Variants in STAG1 observed in about 807,000 individuals in gnomAD.
The protein encoded by STAG1 is STAG1 cohesin complex component.
Under a neutral mutation model 170.9 loss-of-function variants are expected in STAG1, and 26 were observed. The observed-to-expected ratio is 0.15, with a 90% CI of 0.11 to 0.21. The LOEUF is 0.21. Among genes scored for constraint, STAG1 ranks in the 10% least tolerant of loss-of-function variants. The pLI is 1.00. For missense variants in STAG1, 964 were observed against 1,509.5 expected (o/e 0.64, Z 5.99); for synonymous variants, 514 against 497.7 (o/e 1.03, Z -0.44).
chr3:136,430,890 T>C (rs2088283547), intron 16 of STAG1, among the ~76,000 whole-genome samples: 1 of 149,930 alleles, frequency 6.7e-6, no homozygotes, highest in Non-Finnish European at 1.5e-5. Flanking sequence ...ATACTTACCA[T>C]TTCAGATTTA....
At chr3:136,711,782 A>C (rs1943388623) in intron 1 of STAG1, among the ~76,000 whole-genome samples, 1 of 152,146 alleles carries the variant, frequency 6.6e-6, no homozygotes. Context: ...TGGTGCTGGA[A>C]CAACTGGATA....
At chr3:136,462,535 A>AATTT (rs1383276750) in intron 13 of STAG1, among the ~76,000 whole-genome samples, 6 of 152,154 alleles carry the variant, frequency 3.9e-5, no homozygotes, top group Non-Finnish European at 4.4e-5. Context: ...CAGAGGGTGG[A>AATTT]ATAAAGAGAG....
At chr3:136,596,719 C>T (rs1407043544) in intron 4 of STAG1, among the ~76,000 whole-genome samples, 1 of 152,104 alleles carries the variant, frequency 6.6e-6, no homozygotes, top group East Asian at 1.9e-4. Context: ...CTTTAAAATC[C>T]ATTTTTAAAA....
At chr3:136,352,553 G>C (rs990361406) in intron 28 of STAG1, among the ~76,000 whole-genome samples, 4 of 152,048 alleles carry the variant, frequency 2.6e-5, no homozygotes, top group Non-Finnish European at 5.9e-5. Context: ...ACAGCACCTT[G>C]GCCCACAAAG....
intron 5 of STAG1, among the ~76,000 whole-genome samples, chr3:136,565,755 T>C (rs367650321): frequency 1.3e-5 from 2 of 152,204 alleles, no homozygotes; most frequent in Non-Finnish European, 2.9e-5. Context: ...ATATTCACAA[T>C]AGTCAAAAGG....
At chr3:136,472,983 A>G (rs1048011027) in intron 11 of STAG1, among the ~76,000 whole-genome samples, 1 of 152,182 alleles carries the variant, frequency 6.6e-6, no homozygotes, top group African/African-American at 2.4e-5. Context: ...GAGCCAGTGA[A>G]GTTTCATCTG....
intron 23 of STAG1, among the ~76,000 whole-genome samples, chr3:136,374,195 T>C (rs1006564714): frequency 2.6e-5 from 4 of 152,178 alleles, no homozygotes; most frequent in Non-Finnish European, 4.4e-5. Context: ...ATTTGCTTGG[T>C]AGATCTTCCT....
At chr3:136,448,034 T>C (rs112885368) in intron 14 of STAG1, among the ~76,000 whole-genome samples, 4 of 152,150 alleles carry the variant, frequency 2.6e-5, no homozygotes, top group Admixed American at 2.0e-4. Flanking sequence ...ACAAGGTATT[T>C]TGTCACCTGA....
intron 3 of STAG1, among the ~76,000 whole-genome samples, chr3:136,610,239 A>G (rs1426293328): frequency 6.6e-6 from 1 of 152,010 alleles, no homozygotes; most frequent in Non-Finnish European, 1.5e-5. Flanking sequence ...ATTTCACCAT[A>G]TTGGCCAGGC....
Position 136,417,887 on chromosome 3 carries a change from G to T in STAG1, c.2194C>A (p.Gln732Lys). ...TGIEHGAMPE[Q>K]IVVQALQCSH... ...AAGGAATACCAATAAACTCCTACCT[G>T]TTCTGGCATGGCTCCATGTTCAATT... The change falls in exon 21 of 34, where the codon CAG (glutamine) becomes AAG (lysine). Residue 732 changes from glutamine to lysine, a missense_variant and splice_region_variant. Coordinates refer to ENST00000383202, the MANE Select transcript of STAG1 (RefSeq NM_005862.3). The T allele has an allele frequency of 6.2e-7, 1 of 1,612,518 alleles. No homozygotes were observed. The highest frequency in any genetic ancestry group is 2.2e-5 in the East Asian group (1 of 44,854).
rs2088004110 is a variant in STAG1, at chr3:136,422,996, A to G, written c.1699T>C (p.Leu567=). 6.2e-7 allele frequency: 1 copy of G among 1,608,286 alleles called. No homozygotes were observed. Among genetic ancestry groups the G allele is most frequent in the East Asian group, 2.2e-5 (1 of 44,690 alleles). Reference sequence around the variant, plus strand: ...AGTGTAATAATAAAATGTTCAGTCAATTTGTTTCTATCATCAATTTGAGTT... The same window carrying G: ...AGTGTAATAATAAAATGTTCAGTCAGTTTGTTTCTATCATCAATTTGAGTT... The part of the protein sequence containing the change: ...RKTQIDDRNK[L]TEHFIITLPM... The change falls in exon 17 of 34, where the codon TTG becomes CTG. Residue 567 remains leucine (L), a synonymous_variant. Transcript: ENST00000383202.
chr3:136,619,708 G>C (rs1939754279), intron 3 of STAG1, among the ~76,000 whole-genome samples: 1 of 130,044 alleles, frequency 7.7e-6, no homozygotes, highest in African/African-American at 2.9e-5. Context: ...AGTGAGCCAA[G>C]ATCGTGCTAC....
At chr3:136,417,164 T>C (rs2087799329) in intron 21 of STAG1, among the ~76,000 whole-genome samples, 1 of 152,130 alleles carries the variant, frequency 6.6e-6, no homozygotes, top group African/African-American at 2.4e-5. Context: ...TAATTTTTAA[T>C]ATAAGATTAT....
intron 21 of STAG1, among the ~76,000 whole-genome samples, chr3:136,403,225 A>T (rs1156874096): frequency 5.6e-4 from 11 of 19,704 alleles, no homozygotes; most frequent in Non-Finnish European, 1.0e-3. Flanking sequence ...AGACTGTCTT[A>T]AAAAAAAAAA....
At chr3:136,473,735 T>C (rs2089678814) in intron 10 of STAG1, 98 bp from the exon 11 acceptor site, 2 of 811,736 alleles carry the variant, frequency 2.5e-6, no homozygotes, top group Non-Finnish European at 2.1e-6. Context: ...AACATTTGAC[T>C]TACTGCATAT....
intron 1 of STAG1, among the ~76,000 whole-genome samples, chr3:136,750,443 C>T (rs1379108676): frequency 1.3e-5 from 2 of 152,210 alleles, no homozygotes; most frequent in African/African-American, 4.8e-5. Context: ...GCCTTTAAGG[C>T]TTTAAAAGAG....
At chr3:136,643,509 ATTC>A (rs1428866791) in intron 1 of STAG1, among the ~76,000 whole-genome samples, 1 of 152,130 alleles carries the variant, frequency 6.6e-6, no homozygotes, top group Non-Finnish European at 1.5e-5. Flanking sequence ...TAGAACAACT[ATTC>A]TTCTTGTTTG....
intron 16 of STAG1, among the ~76,000 whole-genome samples, chr3:136,426,697 G>C (rs1316392440): frequency 6.6e-6 from 1 of 152,074 alleles, no homozygotes; most frequent in Non-Finnish European, 1.5e-5. Flanking sequence ...CCAGAACTTT[G>C]GGAGGCTGAG....
At chr3:136,552,813 C>T (rs182255451) in intron 5 of STAG1, among the ~76,000 whole-genome samples, 75 of 152,250 alleles carry the variant, frequency 4.9e-4, no homozygotes, top group Non-Finnish European at 3.2e-4. Flanking sequence ...ATCTCAAACT[C>T]TCTATTCAAT....
Sources: allele counts gnomAD v4.1 joint callset (sites outside exome capture counted in the v4.1 genomes callset), GRCh38; gene constraint gnomAD v4.1.1; transcripts MANE v1.5; gene names NCBI Gene and HGNC (gene_info 2026-07-23, HGNC 2026-07-21).